Variants in ITGB5 observed in about 807,000 individuals in gnomAD.
ITGB5 encodes the protein integrin subunit beta 5.
Under a neutral mutation model 84.8 loss-of-function variants are expected in ITGB5, and 38 were observed. The observed-to-expected ratio is 0.45, with a 90% confidence interval of 0.35 to 0.59. The LOEUF is 0.59. Among genes scored for constraint, ITGB5 ranks in the 20% least tolerant of loss-of-function variants. The pLI is 0.01. For missense variants in ITGB5, 905 were observed against 1,034.5 expected (o/e 0.87, Z 1.72); for synonymous variants, 393 against 414.4 (o/e 0.95, Z 0.63).
intron 9 of ITGB5, among the ~76,000 whole-genome samples, chr3:124,800,136 C>A (rs1405092672): frequency 6.6e-6 from 1 of 152,156 alleles, no homozygotes; most frequent in Non-Finnish European, 1.5e-5. Flanking sequence ...ATGCTTGAAG[C>A]TACCTGTAGC....
intron 12 of ITGB5, among the ~76,000 whole-genome samples, chr3:124,767,715 T>C (rs575379878): frequency 7.2e-5 from 11 of 152,228 alleles, no homozygotes; most frequent in Admixed American, 4.6e-4. Flanking sequence ...CCTAAGGAGA[T>C]AGACAGCACC....
chr3:124,874,849 A>C (rs1404870317), intron 1 of ITGB5, among the ~76,000 whole-genome samples: 2 of 152,252 alleles, frequency 1.3e-5, no homozygotes. Context: ...TATTTAAAAA[A>C]TCAACTCAAT....
intron 10 of ITGB5, among the ~76,000 whole-genome samples, chr3:124,795,756 G>A (rs746558404): frequency 6.6e-6 from 1 of 152,152 alleles, no homozygotes; most frequent in Admixed American, 6.5e-5. Context: ...TTACTCTGCT[G>A]GTTTTGAAAA....
upstream of ITGB5, among the ~76,000 whole-genome samples, chr3:124,891,456 G>A (rs951941045): frequency 9.2e-5 from 14 of 152,178 alleles, no homozygotes; most frequent in East Asian, 1.9e-4. Flanking sequence ...GGGATGGGAC[G>A]ATTGCTGGAG....
chr3:124,815,328 G>T (rs2064571322), intron 8 of ITGB5, among the ~76,000 whole-genome samples: 1 of 152,232 alleles, frequency 6.6e-6, no homozygotes, highest in Admixed American at 6.5e-5. Context: ...GGGGGCCTGG[G>T]CCTTCACCAG....
At chr3:124,805,540 C>T (rs1009703990) in intron 9 of ITGB5, among the ~76,000 whole-genome samples, 1 of 151,964 alleles carries the variant, frequency 6.6e-6, no homozygotes, top group African/African-American at 2.4e-5. Context: ...CTGCCTTGAA[C>T]TTCTAGGCTT....
At chr3:124,831,731 G>A (rs2064863055) in intron 5 of ITGB5, among the ~76,000 whole-genome samples, 1 of 152,106 alleles carries the variant, frequency 6.6e-6, no homozygotes, top group Non-Finnish European at 1.5e-5. Context: ...ATTAACAATT[G>A]TCCAAATGAA....
chr3:124,789,313 G>A (rs1293906043), intron 10 of ITGB5, among the ~76,000 whole-genome samples: 1 of 152,280 alleles, frequency 6.6e-6, no homozygotes, highest in East Asian at 1.9e-4. Context: ...CCTAGGATGT[G>A]GCCTTAATCT....
At chr3:124,785,021 C>T (rs1220224867) in intron 10 of ITGB5, among the ~76,000 whole-genome samples, 5 of 152,164 alleles carry the variant, frequency 3.3e-5, no homozygotes, top group East Asian at 1.9e-4. Context: ...GCCTGGCTGC[C>T]GGGACCCCAG....
chr3:124,774,945 T>C (rs1020827279), intron 10 of ITGB5, among the ~76,000 whole-genome samples: 1 of 152,186 alleles, frequency 6.6e-6, no homozygotes, highest in African/African-American at 2.4e-5. Context: ...GAAGCAATGG[T>C]TGATGGTCAC....
intron 1 of ITGB5, among the ~76,000 whole-genome samples, chr3:124,898,419 G>A (rs1268633092): frequency 4.6e-5 from 7 of 151,070 alleles, no homozygotes; most frequent in South Asian, 2.1e-4. Flanking sequence ...CGAGGCAGGC[G>A]GATCACGACG....
intron 5 of ITGB5, among the ~76,000 whole-genome samples, chr3:124,828,862 G>T (rs967927194): frequency 6.6e-6 from 1 of 152,160 alleles, no homozygotes; most frequent in Non-Finnish European, 1.5e-5. Context: ...TCTGATTTCG[G>T]TCCCATGTCT....
At chr3:124,862,035 G>A (rs1230185604) in intron 2 of ITGB5, 1 of 152,274 alleles carries the variant, frequency 6.6e-6, no homozygotes, top group Non-Finnish European at 1.5e-5. Context: ...GCTGTCTGAA[G>A]TAGATGTCTA....
intron 5 of ITGB5, among the ~76,000 whole-genome samples, chr3:124,827,209 C>T (rs1344659838): frequency 1.3e-5 from 2 of 152,176 alleles, no homozygotes; most frequent in Non-Finnish European, 2.9e-5. Flanking sequence ...AATCTTTGCT[C>T]TGTTCTAACT....
In ITGB5 at chr3:124,855,228, G is replaced by A. The variant is rs12637741; in HGVS notation, c.361+4014C>T. On this transcript the variant is annotated intron_variant, in intron 3 of 14. Coordinates refer to ENST00000296181, the MANE Select transcript of ITGB5 (RefSeq NM_002213.5). Reference sequence around the variant, plus strand: ...CTCAGAAGGCTAAGGCATAAGAATCGCTTGAACCTGGAGGCTGCAGTTAGC... The same window carrying A: ...CTCAGAAGGCTAAGGCATAAGAATCACTTGAACCTGGAGGCTGCAGTTAGC... Among the ~76,000 whole-genome samples the A allele has an allele frequency of 0.01, 1,541 of 152,194 alleles. 110 individuals are homozygous for A. The East Asian group carries it at 0.21, about 20-fold the overall frequency.
At chr3:124,891,097 C>A (rs919211210), upstream of ITGB5, among the ~76,000 whole-genome samples, 1 of 152,112 alleles carries the variant, frequency 6.6e-6, no homozygotes, top group African/African-American at 2.4e-5. Flanking sequence ...AGTTTGACGA[C>A]GGGGTTTGAG....
chr3:124,792,490 G>T (rs745924106), intron 10 of ITGB5: 2 of 152,210 alleles, frequency 1.3e-5, no homozygotes. Context: ...GTGAAAAGAG[G>T]TCTGGTTTCC....
chr3:124,856,191 T>C (rs1401966181), intron 3 of ITGB5, among the ~76,000 whole-genome samples: 1 of 152,126 alleles, frequency 6.6e-6, no homozygotes. Flanking sequence ...CGGCCTTCTC[T>C]AACTCTCTAA....
chr3:124,768,582 T>G (rs769056645), intron 12 of ITGB5, among the ~76,000 whole-genome samples: 9 of 152,264 alleles, frequency 5.9e-5, no homozygotes, highest in Non-Finnish European at 1.0e-4. Context: ...TCACACCTCT[T>G]AGTGGCTCAA....
Sources: allele counts gnomAD v4.1 joint callset (sites outside exome capture counted in the v4.1 genomes callset), GRCh38; gene constraint gnomAD v4.1.1; transcripts MANE v1.5; gene names NCBI Gene and HGNC (gene_info 2026-07-23, HGNC 2026-07-21).